IRF8: variants seen among roughly 807,000 people sequenced by gnomAD.
IRF8 encodes the protein interferon consensus sequence binding protein 1.
Under a neutral mutation model 48.7 loss-of-function variants are expected in IRF8, and 14 were observed. The ratio of observed to expected loss-of-function variants is 0.29; its 90% CI spans 0.19 to 0.45. The LOEUF (loss-of-function observed/expected upper bound fraction) is 0.45, where lower values mean the gene tolerates loss of function less well. Ranked by LOEUF, IRF8 falls within the 20% of genes least tolerant of loss-of-function variation. IRF8 has a pLI of 1.00. For missense variants in IRF8, 493 were observed against 580.7 expected (o/e 0.85, Z 1.55); for synonymous variants, 278 against 227.3 (o/e 1.22, Z -2.01).
chr16:85,903,317 T>A (rs1214486580), intron 2 of IRF8, 128 bp downstream of exon 2: 17 of 904,020 alleles, frequency 1.9e-5, no homozygotes, highest in Non-Finnish European at 2.8e-5. Flanking sequence ...AAGCAAACAT[T>A]GGTTCAGGAG....
chr16:85,920,472 T>C (rs1905515999), intron 8 of IRF8, among the ~76,000 whole-genome samples: 1 of 152,150 alleles, frequency 6.6e-6, no homozygotes, highest in Non-Finnish European at 1.5e-5. Context: ...GGTCTTGATC[T>C]TGTGATCCTC....
At chr16:85,913,079 G>A (rs1412114370) in intron 4 of IRF8, 52 bp from the exon 5 acceptor site, 4 of 1,235,440 alleles carry the variant, frequency 3.2e-6, no homozygotes, top group Non-Finnish European at 4.8e-6. Context: ...TGGAGCCCCA[G>A]GTGGGAGATC....
chr16:85,919,242 A>C (rs1481115377), intron 7 of IRF8, among the ~76,000 whole-genome samples: 3 of 152,184 alleles, frequency 2.0e-5, no homozygotes. Flanking sequence ...CTTTCCGCAC[A>C]CTAAGTGCTC....
chr16:85,910,493 T>A (rs16939930), intron 3 of IRF8, among the ~76,000 whole-genome samples: 1,912 of 152,298 alleles, frequency 0.013, 43 homozygotes, highest in African/African-American at 0.043. Flanking sequence ...CAATTTTTTT[T>A]ATCACCAAAA....
At position 85,911,640 on chromosome 16, in the gene IRF8, C is replaced by T. The variant is rs757276103; in HGVS notation, c.429C>T (p.Ile143=). ...AGATGGAGTGCGGTCGCTCTGAAAT[C>T]GACGAGCTGATCAAGGAGGTAAGCA... ...VTEMECGRSE[I]DELIKEPSVD... The change falls in exon 4 of 9, where the codon ATC becomes ATT. Residue 143 remains isoleucine (I), a synonymous_variant. Coordinates refer to ENST00000268638, the MANE Select transcript of IRF8 (RefSeq NM_002163.4). 12 of 1,613,800 alleles carry T rather than the reference C, an allele frequency of 7.4e-6. No individual in the cohort carries two copies. The South Asian group carries it at 8.8e-5, about 12-fold the overall frequency.
At chr16:85,909,546 G>A (rs1324830557) in intron 3 of IRF8, 1 of 301,626 alleles carries the variant, frequency 3.3e-6, no homozygotes, top group African/African-American at 2.2e-5. Context: ...CATGAGGGTT[G>A]GGAGTAAAGC....
chr16:85,914,377 G>C, intron 5 of IRF8, 96 bp from the exon 6 acceptor site: 1 of 1,450,632 alleles, frequency 6.9e-7, no homozygotes. Flanking sequence ...GCCATGTGCA[G>C]CCTTTTAAGG....
chr16:85,918,354 T>A (rs750704275), intron 6 of IRF8, 63 bp from the exon 7 acceptor site: 1 of 1,551,646 alleles, frequency 6.4e-7, no homozygotes, highest in Non-Finnish European at 8.7e-7. Flanking sequence ...GACTGTGCAC[T>A]TGGGCAGGAG....
intron 6 of IRF8, among the ~76,000 whole-genome samples, chr16:85,915,492 A>G (rs1377368643): frequency 6.6e-6 from 1 of 152,232 alleles, no homozygotes; most frequent in Admixed American, 6.5e-5. Context: ...CTGTCCATGA[A>G]GCTCTTGTCT....
intron 1 of IRF8, among the ~76,000 whole-genome samples, chr16:85,899,575 TG>T (rs2152097341): frequency 6.6e-6 from 1 of 152,282 alleles, no homozygotes; most frequent in Non-Finnish European, 1.5e-5. Flanking sequence ...ATCATCCCAC[TG>T]AAATTCTACC....
intron 1 of IRF8, among the ~76,000 whole-genome samples, chr16:85,901,583 A>G (rs1252948855): frequency 6.6e-6 from 1 of 152,070 alleles, no homozygotes; most frequent in Non-Finnish European, 1.5e-5. Context: ...GCACCACTGC[A>G]CTCCTGCCTG....
In IRF8 at chr16:85,921,290, G is replaced by T. The variant is rs762649380; in HGVS notation, c.*8G>T. On this transcript the variant is annotated 3_prime_UTR_variant, in exon 9 of 9. Transcript: ENST00000268638. ...CAACAGATCACCGTCTAAGTGCGTC[G>T]CTTGGGCGCCCCACCCCGTCTGCGT... 5 of 1,612,880 alleles carry T rather than the reference G, an allele frequency of 3.1e-6. No individual in the cohort carries two copies. The highest frequency in any genetic ancestry group is 2.5e-6 in the Non-Finnish European group (3 of 1,179,966).
At chr16:85,914,552 G>A (rs373425544) in intron 6 of IRF8, 32 bp downstream of exon 6, 2 of 1,613,480 alleles carry the variant, frequency 1.2e-6, no homozygotes, top group Non-Finnish European at 8.5e-7. Context: ...GAGGGGCGTG[G>A]GCACTGTTTG....
chr16:85,912,300 T>C (rs963090304), intron 4 of IRF8, among the ~76,000 whole-genome samples: 5 of 152,240 alleles, frequency 3.3e-5, no homozygotes, highest in African/African-American at 1.2e-4. Flanking sequence ...GCCTCTTAAC[T>C]ATGCTTTTCA....
chr16:85,900,395 T>C (rs1904792651), intron 1 of IRF8, among the ~76,000 whole-genome samples: 1 of 152,254 alleles, frequency 6.6e-6, no homozygotes, highest in South Asian at 2.1e-4. Flanking sequence ...ATTAGACTTA[T>C]TAATTTTTCC....
At chr16:85,905,362 G>GGGC (rs960265767) in intron 2 of IRF8, among the ~76,000 whole-genome samples, 1 of 152,200 alleles carries the variant, frequency 6.6e-6, no homozygotes, top group African/African-American at 2.4e-5. Flanking sequence ...TTGTGCTCGG[G>GGGC]GGGTAATGAA....
At chr16:85,909,679 T>C (rs1905091639) in intron 3 of IRF8, 1 of 168,780 alleles carries the variant, frequency 5.9e-6, no homozygotes, top group African/African-American at 2.4e-5. Flanking sequence ...TTCCTGAGGT[T>C]TCTTCCAGCT....
chr16:85,903,823 C>T (rs761260858), intron 2 of IRF8, among the ~76,000 whole-genome samples: 1 of 152,162 alleles, frequency 6.6e-6, no homozygotes, highest in Non-Finnish European at 1.5e-5. Context: ...GATGCTGTTC[C>T]CACCCTCATT....
In IRF8 at chr16:85,921,165, C is replaced by G. The variant is rs1346059033; in HGVS notation, c.1164C>G (p.Gly388=). The G allele has an allele frequency of 6.2e-7, 1 of 1,614,206 alleles. No homozygotes were observed. The highest frequency in any genetic ancestry group is 8.5e-7 in the Non-Finnish European group (1 of 1,180,044). ...AEEAGKSCGA[G]SVMQAPEEPP... ...AGGCTGGGAAGAGCTGTGGAGCCGG[C>G]TCTGTGATGCAGGCCCCCGAGGAGC... Residue 388 remains glycine, a synonymous_variant, in exon 9 of 9, where the codon GGC becomes GGG. Transcript: ENST00000268638.
Sources: allele counts gnomAD v4.1 joint callset (sites outside exome capture counted in the v4.1 genomes callset), GRCh38; gene constraint gnomAD v4.1.1; transcripts MANE v1.5; gene names NCBI Gene and HGNC (gene_info 2026-07-23, HGNC 2026-07-21).